SCCPDH: variants seen among roughly 807,000 people sequenced by gnomAD.
The protein encoded by SCCPDH is saccharopine dehydrogenase (putative).
A neutral mutation model predicts 51.5 loss-of-function variants in SCCPDH; 34 were observed. The observed-to-expected ratio is 0.66, with a 90% confidence interval of 0.50 to 0.88. SCCPDH has a LOEUF of 0.88. SCCPDH is among the 40% of genes least tolerant of loss of function. The pLI is 0.00. For missense variants in SCCPDH, 464 were observed against 527.1 expected (o/e 0.88, Z 1.17); for synonymous variants, 187 against 191.3 (o/e 0.98, Z 0.19).
chr1:246,724,416 A>T lies in SCCPDH; in HGVS notation c.-7A>T, dbSNP rs200125216. ...GCCCCGGGGCCTGGGCTCGCTGTGGACTCGTCATGGCGACCGAGCAGAGGC... is the reference window on the plus strand; with the variant it reads ...GCCCCGGGGCCTGGGCTCGCTGTGGTCTCGTCATGGCGACCGAGCAGAGGC... On this transcript the variant is annotated 5_prime_UTR_variant, in exon 1 of 12. Transcript: ENST00000366510. 8,303 of 1,558,472 alleles carry T rather than the reference A, an allele frequency of 5.3e-3. 56 individuals carry two copies. Among genetic ancestry groups the T allele is most frequent in the Non-Finnish European group, 6.1e-3 (7,052 of 1,155,760 alleles).
intron 5 of SCCPDH, among the ~76,000 whole-genome samples, chr1:246,752,238 C>A (rs1196365733): frequency 6.6e-6 from 1 of 152,050 alleles, no homozygotes; most frequent in Non-Finnish European, 1.5e-5. Context: ...TGTTGAAAAC[C>A]TTGTAAGTTT....
chr1:246,735,950 C>T (rs775348981), intron 2 of SCCPDH, 25 bp from the exon 3 acceptor site: 1 of 1,485,602 alleles, frequency 6.7e-7, no homozygotes, highest in Admixed American at 1.7e-5. Flanking sequence ...CAAGAATAAC[C>T]TCTTTGTTCT....
At chr1:246,740,786 A>G (rs72764629) in intron 4 of SCCPDH, among the ~76,000 whole-genome samples, 7,003 of 152,298 alleles carry the variant, frequency 0.046, 251 homozygotes, top group Non-Finnish European at 0.063. Flanking sequence ...TGTCTGGTTT[A>G]GAAAATTACC....
At chr1:246,753,988 CTTG>C (rs890382114) in intron 5 of SCCPDH, among the ~76,000 whole-genome samples, 5 of 151,872 alleles carry the variant, frequency 3.3e-5, no homozygotes, top group Non-Finnish European at 4.4e-5. Context: ...GGGGAATATC[CTTG>C]TTATCTTTGT....
At chr1:246,726,349 G>A (rs1056688507) in intron 1 of SCCPDH, among the ~76,000 whole-genome samples, 4 of 151,856 alleles carry the variant, frequency 2.6e-5, no homozygotes, top group African/African-American at 4.8e-5. Context: ...TGATTCTACC[G>A]CCTCAGCCTC....
intron 10 of SCCPDH, among the ~76,000 whole-genome samples, chr1:246,764,827 A>T (rs1669066278): frequency 6.6e-6 from 1 of 152,246 alleles, no homozygotes; most frequent in African/African-American, 2.4e-5. Flanking sequence ...ACGTTCAAGA[A>T]CTTTTGCTGT....
intron 1 of SCCPDH, among the ~76,000 whole-genome samples, chr1:246,726,327 T>G (rs1668399555): frequency 6.6e-6 from 1 of 151,886 alleles, no homozygotes. Context: ...AGCCTTGACC[T>G]CTGTGTCTAA....
At chr1:246,742,876 A>T (rs532762181) in intron 4 of SCCPDH, among the ~76,000 whole-genome samples, 1 of 152,300 alleles carries the variant, frequency 6.6e-6, no homozygotes, top group Non-Finnish European at 1.5e-5. Context: ...CTATGCCTGT[A>T]TATTAGTCTT....
At chr1:246,766,260 T>C (rs1669086184) in intron 11 of SCCPDH, 121 bp downstream of exon 11, 1 of 682,646 alleles carries the variant, frequency 1.5e-6, no homozygotes, top group Non-Finnish European at 2.5e-6. Context: ...GTTCCTTTGC[T>C]TCAAAAATAT....
intron 5 of SCCPDH, among the ~76,000 whole-genome samples, chr1:246,753,706 C>T (rs561371706): frequency 6.6e-6 from 1 of 152,006 alleles, no homozygotes; most frequent in African/African-American, 2.4e-5. Context: ...AGCAGTTCGA[C>T]GGATCGTGGC....
At chr1:246,766,723 A>C (rs1438123249) in intron 11 of SCCPDH, among the ~76,000 whole-genome samples, 1 of 152,230 alleles carries the variant, frequency 6.6e-6, no homozygotes, top group Non-Finnish European at 1.5e-5. Flanking sequence ...TTTTTCAAAT[A>C]CCTAGGTCCC....
intron 4 of SCCPDH, among the ~76,000 whole-genome samples, chr1:246,742,065 A>G (rs186560795): frequency 3.4e-4 from 51 of 149,958 alleles, no homozygotes; most frequent in South Asian, 8.3e-4. Flanking sequence ...ACTCCGTCTC[A>G]AATGAATGAA....
intron 4 of SCCPDH, among the ~76,000 whole-genome samples, chr1:246,743,723 G>C (rs1195410801): frequency 6.6e-6 from 1 of 152,132 alleles, no homozygotes; most frequent in African/African-American, 2.4e-5. Flanking sequence ...GAGCTCAATT[G>C]TTGCTTTATT....
intron 5 of SCCPDH, among the ~76,000 whole-genome samples, chr1:246,753,680 G>A (rs1343853100): frequency 4.6e-5 from 7 of 152,006 alleles, no homozygotes; most frequent in Non-Finnish European, 5.9e-5. Flanking sequence ...GGGTGTTCAC[G>A]TTCCAAGACT....
rs916845688 is a variant in SCCPDH at position 246,726,886 on chromosome 1, T to C, written c.191-6T>C. 6.3e-7 allele frequency: 1 copy of C among 1,599,994 alleles called. No homozygotes were observed. Among genetic ancestry groups the C allele is most frequent in the Admixed American group, 1.7e-5 (1 of 59,972 alleles). ...TTTACTTTCCTTCATTTGTTTCTTA[T>C]TTTAGGAAGACCAACACTGTCATCT... is the stretch of plus-strand genomic sequence containing the variant. On this transcript the variant is annotated splice_region_variant and splice_polypyrimidine_tract_variant and intron_variant, in intron 1 of 11. Transcript: ENST00000366510.
chr1:246,733,946 G>C (rs998458695), intron 2 of SCCPDH, among the ~76,000 whole-genome samples: 1 of 152,208 alleles, frequency 6.6e-6, no homozygotes, highest in African/African-American at 2.4e-5. Context: ...ATAGAGGTTG[G>C]AGGTCACAGC....
At chr1:246,763,655 C>A (rs148706616) in intron 9 of SCCPDH, among the ~76,000 whole-genome samples, 2 of 152,256 alleles carry the variant, frequency 1.3e-5, no homozygotes, top group South Asian at 2.1e-4. Flanking sequence ...CTCTCTCCCC[C>A]CCTTTCCTCC....
intron 5 of SCCPDH, among the ~76,000 whole-genome samples, chr1:246,753,345 C>T: frequency 6.6e-6 from 1 of 152,040 alleles, no homozygotes; most frequent in East Asian, 1.9e-4. Flanking sequence ...AGTTCTCTAT[C>T]TTTTGTAATT....
At chr1:246,738,704 A>T (rs897826848) in intron 3 of SCCPDH, among the ~76,000 whole-genome samples, 1 of 148,608 alleles carries the variant, frequency 6.7e-6, no homozygotes, top group African/African-American at 2.5e-5. Context: ...AAAATAGAAA[A>T]TTAGCTGGGC....
Sources: allele counts gnomAD v4.1 joint callset (sites outside exome capture counted in the v4.1 genomes callset), GRCh38; gene constraint gnomAD v4.1.1; transcripts MANE v1.5; gene names NCBI Gene and HGNC (gene_info 2026-07-23, HGNC 2026-07-21).